The following ADAM15 variants were observed in gnomAD, a reference collection of about 807,000 sequenced individuals.
ADAM15 encodes ADAM metallopeptidase domain 15.
Under a neutral mutation model 113.8 loss-of-function variants are expected in ADAM15, and 77 were observed. The ratio of observed to expected loss-of-function variants is 0.68; its 90% CI spans 0.56 to 0.82. ADAM15 has a LOEUF of 0.82. ADAM15 is among the 40% of genes least tolerant of loss of function. The pLI, the probability that ADAM15 is intolerant of heterozygous loss-of-function variation, is 0.00. For synonymous variants in ADAM15, 388 were observed against 454.1 expected (o/e 0.85, Z 1.85); for missense variants, 963 against 1,120.1 (o/e 0.86, Z 2.00).
At chr1:155,059,044 C>T (rs1388425814) in intron 16 of ADAM15, among the ~76,000 whole-genome samples, 3 of 152,028 alleles carry the variant, frequency 2.0e-5, no homozygotes, top group Non-Finnish European at 4.4e-5. Flanking sequence ...ATGGCTCATG[C>T]CTATAATCAC....
In ADAM15 at chr1:155,053,978, G is replaced by A. The variant is rs372677722; in HGVS notation, c.332G>A (p.Gly111Glu). The A allele has an allele frequency of 4.0e-5, 64 of 1,614,050 alleles. 1 individual carries two copies. Among genetic ancestry groups the A allele is most frequent in the Non-Finnish European group, 5.2e-5 (61 of 1,180,022 alleles). ...GATGGCACTCGGGTGGTCAGTGAGGGACACACTTTGGTGAGTCAGGCCCTC... is the reference window on the plus strand; with the variant it reads ...GATGGCACTCGGGTGGTCAGTGAGGAACACACTTTGGTGAGTCAGGCCCTC... ...QPDGTRVVSE[G>E]HTLENCCYQG... is the part of the protein sequence containing the mutation. Residue 111 changes from glycine to glutamate, a missense_variant, in exon 4 of 23, where the codon GGA becomes GAA. Physicochemically the swap from Gly to Glu is moderately conservative, Grantham distance 98. Coordinates refer to ENST00000356955, the MANE Select transcript of ADAM15 (RefSeq NM_207197.3).
In ADAM15 at chr1:155,056,900, T is replaced by C; in HGVS notation, c.1000-53T>C. 6.6e-7 allele frequency: 1 copy of C among 1,518,686 alleles called. No homozygotes were observed. Among genetic ancestry groups the C allele is most frequent in the Middle Eastern group, 1.8e-4 (1 of 5,550 alleles). 94.1% of individuals were successfully genotyped at this position (1,518,686 alleles called of 1,614,324 possible). A position where few individuals can be genotyped will look rare whatever the true frequency, so the allele number is the denominator to read the frequency against. On this transcript the variant is annotated intron_variant, in intron 10 of 22. Transcript: ENST00000356955. The surrounding 1 kb of genome is among the most constrained non-coding windows in gnomAD (Gnocchi z 4.0). ...AGGAGCAGAGAGGGTGGTCTGGGCA[T>C]TGTGGTGGAGGCAGGCTGGGACTGG...
Position 155,051,439 on chromosome 1 carries a change from T to C in ADAM15, c.53T>C (p.Leu18Pro), listed in dbSNP as rs975789318. 3.0e-5 allele frequency: 47 copies of C among 1,568,740 alleles called. No individual in the cohort carries two copies. The highest frequency in any genetic ancestry group is 3.4e-5 in the Non-Finnish European group (39 of 1,162,696). Residue 18 changes from leucine to proline, a missense_variant, in exon 1 of 23, where the codon CTG becomes CCG. By Grantham distance (98) the Leu-to-Pro change is moderately conservative. Transcript: ENST00000356955. ...ALGLLGAGSP[L>P]PSWPLPNIGG... is the part of the protein sequence containing the mutation. ...GGGCTCCTGGGCGCGGGCAGCCCTC[T>C]GCCTTCCTGGCCGCTCCCAAATATA...
Position 155,058,423 on chromosome 1 carries a change from A to C in ADAM15, c.1899A>C (p.Thr633=), listed in dbSNP as rs1662088076. 2 of 1,612,486 alleles carry C rather than the reference A, an allele frequency of 1.2e-6. No individual in the cohort carries two copies. Among genetic ancestry groups the C allele is most frequent in the Non-Finnish European group, 1.7e-6 (2 of 1,180,008 alleles). The part of the protein sequence containing the change: ...VAQPLLTLPG[T]ACGPGLVCID... ...AGCCCCTCCTGACTCTGCCTGGCAC[A>C]GCCTGTGGCCCTGGCCTGGTGAGCA... is the stretch of plus-strand genomic sequence containing the variant. The change falls in exon 15 of 23, where the codon ACA becomes ACC. Residue 633 remains threonine, a synonymous_variant. Coordinates refer to ENST00000356955, the MANE Select transcript of ADAM15 (RefSeq NM_207197.3). The surrounding 1 kb of genome is among the most constrained non-coding windows in gnomAD (Gnocchi z 4.3).
In ADAM15 at chr1:155,059,948, C is replaced by A; in HGVS notation, c.2042C>A (p.Pro681His). Residue 681 changes from proline to histidine, a missense_variant, in exon 17 of 23, where the codon CCC becomes CAC. By Grantham distance (77) the Pro-to-His change is moderately conservative. Transcript: ENST00000356955. ...TGCTACTGTGAGGAGGGCTGGGCAC[C>A]CCCTGACTGCACCACTCAGCTCAAA... ...RHCYCEEGWA[P>H]PDCTTQLKAT... 1 of 1,614,042 alleles carries A rather than the reference C, an allele frequency of 6.2e-7. No homozygotes were observed. Among genetic ancestry groups the A allele is most frequent in the African/African-American group, 1.3e-5 (1 of 75,016 alleles).
In ADAM15 at chr1:155,061,955, C is replaced by CCG. The variant is rs1662693399; in HGVS notation, c.2405_2406dup (p.Val803ArgfsTer3). 16 of 1,588,874 alleles carry CCG rather than the reference C, an allele frequency of 1.0e-5. No individual in the cohort carries two copies. Among genetic ancestry groups the CCG allele is most frequent in the Non-Finnish European group, 1.4e-5 (16 of 1,164,920 alleles). On this transcript the variant is annotated frameshift_variant, in exon 21 of 23. Transcript: ENST00000356955. LOFTEE classifies it high-confidence loss of function. Reference sequence around the variant, plus strand: ...CCCTACCCGCCCTCTGCCCGCTGACCCGGTGGTGAGAAGCCCGAAGGTAAC... The same window carrying CCG: ...CCCTACCCGCCCTCTGCCCGCTGACCCGCGGTGGTGAGAAGCCCGAAGGTAAC...
Position 155,062,210 on chromosome 1 carries a change from C to G in ADAM15, c.2425-35C>G. The G allele has an allele frequency of 1.4e-6, 2 of 1,446,508 alleles. No homozygotes were observed. Among genetic ancestry groups the G allele is most frequent in the South Asian group, 1.5e-5 (1 of 68,120 alleles). The allele number at this position is 1,446,508 out of a possible 1,614,324, so 89.6% of individuals were successfully genotyped here. A position where few individuals can be genotyped will look rare whatever the true frequency, so the allele number is the denominator to read the frequency against. ...TGGGGGTGGGCAACATGACACCCCCCCACCTAAGCCGGCCTCCTGCCTTCT... is the reference window on the plus strand; with the variant it reads ...TGGGGGTGGGCAACATGACACCCCCGCACCTAAGCCGGCCTCCTGCCTTCT... On this transcript the variant is annotated intron_variant, in intron 21 of 22. Coordinates refer to ENST00000356955, the MANE Select transcript of ADAM15 (RefSeq NM_207197.3). The surrounding 1 kb of genome is among the most constrained non-coding windows in gnomAD (Gnocchi z 7.0).
At chr1:155,055,349 C>T (rs1448336921) in intron 6 of ADAM15, 1 of 174,608 alleles carries the variant, frequency 5.7e-6, no homozygotes, top group African/African-American at 2.4e-5. Context: ...CCTCAGCCTC[C>T]CGAGTAGCTG....
At position 155,056,261 on chromosome 1, in the gene ADAM15, A is replaced by G. The variant is rs1249234845; in HGVS notation, c.914+12A>G. On this transcript the variant is annotated intron_variant, in intron 9 of 22. Coordinates refer to ENST00000356955, the MANE Select transcript of ADAM15 (RefSeq NM_207197.3). The surrounding 1 kb of genome is among the most constrained non-coding windows in gnomAD (Gnocchi z 4.0). Reference sequence around the variant, plus strand: ...GCCCAGCTGGTGACGTAAGGGCCCCAGACTCAGCCAGAGAGGCCAGTCCTG... The same window carrying G: ...GCCCAGCTGGTGACGTAAGGGCCCCGGACTCAGCCAGAGAGGCCAGTCCTG... The G allele has an allele frequency of 1.2e-6, 2 of 1,613,638 alleles. No homozygotes were observed. Among genetic ancestry groups the G allele is most frequent in the African/African-American group, 1.3e-5 (1 of 74,910 alleles).
chr1:155,053,108 C>CA (rs1661304032), intron 2 of ADAM15, among the ~76,000 whole-genome samples: 1 of 9,260 alleles, frequency 1.1e-4, no homozygotes, highest in Non-Finnish European at 2.8e-4. Flanking sequence ...CCTTACCAAA[C>CA]CCCCCCCCCC....
chr1:155,062,508 C>T lies in ADAM15; in HGVS notation c.*6C>T. 1 of 1,612,760 alleles carries T rather than the reference C, an allele frequency of 6.2e-7. No individual in the cohort carries two copies. On this transcript the variant is annotated 3_prime_UTR_variant, in exon 23 of 23. Coordinates refer to ENST00000356955, the MANE Select transcript of ADAM15 (RefSeq NM_207197.3). This position sits in a 1 kb window ranked among gnomAD's most constrained non-coding sequence, Gnocchi z 7.0. The stretch of plus-strand genomic sequence containing the variant: ...TGTCCTCGCTCTACCTCTGACCTCT[C>T]CGGAGGTTCCGCTGCCTCCAAGCCG...
At chr1:155,061,221 C>T (rs1662547739) in intron 19 of ADAM15, 194 bp from the exon 20 acceptor site, 1 of 589,464 alleles carries the variant, frequency 1.7e-6, no homozygotes, top group Non-Finnish European at 3.0e-6. Context: ...GAGCCCTCTG[C>T]TTGGATGATG....
rs1661659261 is a variant in ADAM15, at chr1:155,055,684, C to A, written c.613-106C>A. Reference sequence around the variant, plus strand: ...TCATCTGTAAAATGGGCTCTTCACCCTCCTATTTGACCCACAGAGTAGGAG... The same window carrying A: ...TCATCTGTAAAATGGGCTCTTCACCATCCTATTTGACCCACAGAGTAGGAG... On this transcript the variant is annotated intron_variant, in intron 6 of 22. Coordinates refer to ENST00000356955, the MANE Select transcript of ADAM15 (RefSeq NM_207197.3). 1.1e-5 allele frequency: 14 copies of A among 1,267,642 alleles called. No individual in the cohort carries two copies. The East Asian group carries it at 3.0e-4, about 27-fold the overall frequency. 78.5% of individuals were successfully genotyped at this position (1,267,642 alleles called of 1,614,324 possible). A position where few individuals can be genotyped will look rare whatever the true frequency, so the allele number is the denominator to read the frequency against.
In ADAM15 at chr1:155,057,269, C is replaced by T. The variant is rs2102406598; in HGVS notation, c.1230C>T (p.Leu410=). Residue 410 remains leucine (L), a synonymous_variant, in exon 12 of 23, where the codon CTC becomes CTT. Coordinates refer to ENST00000356955, the MANE Select transcript of ADAM15 (RefSeq NM_207197.3). This position sits in a 1 kb window ranked among gnomAD's most constrained non-coding sequence, Gnocchi z 5.0. ...KALLDGMGSC[L]FERLPSLPPM... ...TCCTGGATGGAATGGGCAGCTGCCTCTTCGAACGGCTGCCTAGCCTACCCC... is the reference window on the plus strand; with the variant it reads ...TCCTGGATGGAATGGGCAGCTGCCTTTTCGAACGGCTGCCTAGCCTACCCC... 1 of 1,614,208 alleles carries T rather than the reference C, an allele frequency of 6.2e-7. No individual in the cohort carries two copies.
Position 155,062,540 on chromosome 1 carries a change from G to T in ADAM15, c.*38G>T. The T allele has an allele frequency of 6.2e-7, 1 of 1,609,032 alleles. No homozygotes were observed. The highest frequency in any genetic ancestry group is 8.5e-7 in the Non-Finnish European group (1 of 1,177,994). On this transcript the variant is annotated 3_prime_UTR_variant, in exon 23 of 23. Transcript: ENST00000356955. This position sits in a 1 kb window ranked among gnomAD's most constrained non-coding sequence, Gnocchi z 7.0. ...TTCCGCTGCCTCCAAGCCGGACTTAGGGCTTCAAGAGGCGGGCGTGCCCTC... is the reference window on the plus strand; with the variant it reads ...TTCCGCTGCCTCCAAGCCGGACTTATGGCTTCAAGAGGCGGGCGTGCCCTC...
In ADAM15 at chr1:155,051,376, G is replaced by T; in HGVS notation, c.-11G>T. 1 of 1,501,252 alleles carries T rather than the reference G, an allele frequency of 6.7e-7. No homozygotes were observed. The highest frequency in any genetic ancestry group is 2.4e-5 in the Admixed American group (1 of 41,912). 93.0% of individuals were successfully genotyped at this position (1,501,252 alleles called of 1,614,324 possible). A position where few individuals can be genotyped will look rare whatever the true frequency, so the allele number is the denominator to read the frequency against. On this transcript the variant is annotated 5_prime_UTR_variant, in exon 1 of 23. Coordinates refer to ENST00000356955, the MANE Select transcript of ADAM15 (RefSeq NM_207197.3). Reference sequence around the variant, plus strand: ...ACTTGCTGCCCTCGCCCGGCCCGGAGCGCCGCTGCCATGCGGCTGGCGCTG... The same window carrying T: ...ACTTGCTGCCCTCGCCCGGCCCGGATCGCCGCTGCCATGCGGCTGGCGCTG...
Position 155,056,984 on chromosome 1 carries a change from C to A in ADAM15, c.1031C>A (p.Ser344Tyr). ...DHSTSILGVA[S>Y]SIAHELGHSL... ...TCCACCAGCATCCTGGGAGTCGCCT[C>A]CTCCATAGCCCATGAGTTGGGCCAC... Residue 344 changes from serine (S) to tyrosine (Y), a missense_variant, in exon 11 of 23, where the codon TCC becomes TAC. By Grantham distance (144) the Ser-to-Tyr change is moderately radical. Transcript: ENST00000356955. The surrounding 1 kb of genome is among the most constrained non-coding windows in gnomAD (Gnocchi z 4.0). The A allele has an allele frequency of 6.3e-7, 1 of 1,590,250 alleles. No homozygotes were observed. Among genetic ancestry groups the A allele is most frequent in the Non-Finnish European group, 8.6e-7 (1 of 1,168,848 alleles).
intron 1 of ADAM15, chr1:155,052,294 C>G: frequency 3.5e-6 from 2 of 566,324 alleles, no homozygotes; most frequent in South Asian, 2.3e-5. Context: ...AGCGGGCACC[C>G]GGCCACAAGG....
At chr1:155,060,006 G>A (rs748830342) in intron 17 of ADAM15, 32 bp downstream of exon 17, 3 of 1,611,990 alleles carry the variant, frequency 1.9e-6, no homozygotes, top group Non-Finnish European at 2.5e-6. Context: ...GGGGCAGCTG[G>A]GAGGGCAAAG....
Sources: gnomAD v4.1 joint callset for allele counts (sites outside exome capture counted in the v4.1 genomes callset) on GRCh38, gnomAD v4.1.1 for gene constraint, Gnocchi (gnomAD v3.1) non-coding constraint, MANE v1.5 for transcripts, NCBI Gene and HGNC (gene_info 2026-07-23, HGNC 2026-07-21) for gene names.